Variants in KATNBL1 observed in about 807,000 individuals in gnomAD.
The protein encoded by KATNBL1 is KATNB1-like protein 1.
In KATNBL1, 28 loss-of-function variants were observed where a neutral mutation model predicts 44.7. The ratio of observed to expected loss-of-function variants is 0.63; its 90% confidence interval spans 0.46 to 0.86. The LOEUF (loss-of-function observed/expected upper bound fraction) is 0.86, where lower values mean the gene tolerates loss of function less well. Among genes scored for constraint, KATNBL1 ranks in the 40% least tolerant of loss-of-function variants. KATNBL1 has a pLI of 0.00. For missense variants in KATNBL1, 272 were observed against 350.7 expected (o/e 0.78, Z 1.79); for synonymous variants, 78 against 114.9 (o/e 0.68, Z 2.06).
intron 1 of KATNBL1, among the ~76,000 whole-genome samples, chr15:34,192,017 G>A (rs1889888348): frequency 6.6e-6 from 1 of 150,530 alleles, no homozygotes; most frequent in Non-Finnish European, 1.5e-5. Flanking sequence ...GATTTGCACA[G>A]AATAGGGAGT....
intron 1 of KATNBL1, among the ~76,000 whole-genome samples, chr15:34,196,572 A>G (rs1477907751): frequency 6.6e-6 from 1 of 151,948 alleles, no homozygotes; most frequent in East Asian, 1.9e-4. Flanking sequence ...TATTAAAAAT[A>G]CGAAAACCTG....
At chr15:34,176,441 G>A (rs528182954) in intron 1 of KATNBL1, among the ~76,000 whole-genome samples, 36 of 151,776 alleles carry the variant, frequency 2.4e-4, no homozygotes, top group Non-Finnish European at 5.0e-4. Flanking sequence ...AGTGAAAGAA[G>A]CCAAACATGA....
intron 1 of KATNBL1, among the ~76,000 whole-genome samples, chr15:34,190,177 C>T (rs1326161621): frequency 6.6e-6 from 1 of 152,174 alleles, no homozygotes; most frequent in African/African-American, 2.4e-5. Context: ...ATCTCCTGAC[C>T]TCGTGATCCC....
At chr15:34,167,867 C>A (rs1377661610) in intron 1 of KATNBL1, among the ~76,000 whole-genome samples, 1 of 152,172 alleles carries the variant, frequency 6.6e-6, no homozygotes, top group Non-Finnish European at 1.5e-5. Flanking sequence ...GAAATAAAAT[C>A]CTTTACAGAC....
intron 1 of KATNBL1, among the ~76,000 whole-genome samples, chr15:34,168,830 T>C (rs562179760): frequency 2.5e-4 from 38 of 152,314 alleles, no homozygotes; most frequent in African/African-American, 8.9e-4. Flanking sequence ...AACCTGCTCC[T>C]GAATGACTAC....
intron 1 of KATNBL1, among the ~76,000 whole-genome samples, chr15:34,181,701 T>C (rs1290417244): frequency 3.5e-5 from 1 of 28,342 alleles, no homozygotes; most frequent in African/African-American, 1.1e-4. Flanking sequence ...CATATATATA[T>C]CCATATATAT....
chr15:34,180,074 C>A lies in KATNBL1; in HGVS notation c.-14-16384G>T, dbSNP rs546986728. ...CAATTTGGACTTTGCTCCCACAAAC[C>A]CTTTTTAAAAATCTTTGATTTCTCC... is the stretch of plus-strand genomic sequence containing the variant. On this transcript the variant is annotated intron_variant, in intron 1 of 9. Coordinates refer to ENST00000256544, the MANE Select transcript of KATNBL1 (RefSeq NM_024713.3). 1.4e-4 allele frequency among the ~76,000 whole-genome samples: 22 copies of A among 152,218 alleles called. No homozygotes were observed. In the South Asian group the frequency reaches 4.1e-3, roughly 29 times the overall value.
rs1018371058 is a variant in KATNBL1 at position 34,156,445 on chromosome 15, G to A, written c.118-1761C>T. Among the ~76,000 whole-genome samples, 10 of 152,336 alleles carry A rather than the reference G, an allele frequency of 6.6e-5. No individual in the cohort carries two copies. The East Asian group carries it at 7.7e-4, about 12-fold the overall frequency. ...TGGCCCTCTGGCCTGCCATGCGCAC[G>A]AGCATAACAATTGCTTTTGTTTAAA... On this transcript the variant is annotated intron_variant, in intron 2 of 9. Coordinates refer to ENST00000256544, the MANE Select transcript of KATNBL1 (RefSeq NM_024713.3).
intron 9 of KATNBL1, among the ~76,000 whole-genome samples, chr15:34,144,331 A>G (rs1404154487): frequency 7.9e-5 from 12 of 151,628 alleles, no homozygotes; most frequent in Admixed American, 7.9e-4. Context: ...TTAGCATTGT[A>G]TTTTTTTCCC....
At chr15:34,175,475 G>A (rs1028418445) in intron 1 of KATNBL1, among the ~76,000 whole-genome samples, 14 of 152,178 alleles carry the variant, frequency 9.2e-5, no homozygotes, top group Admixed American at 5.9e-4. Context: ...AGATGACAAC[G>A]TACATAGTCT....
Position 34,148,717 on chromosome 15 carries a change from A to G in KATNBL1, c.472T>C (p.Leu158=). 6.2e-7 allele frequency: 1 copy of G among 1,612,628 alleles called. No individual in the cohort carries two copies. Among genetic ancestry groups the G allele is most frequent in the South Asian group, 1.1e-5 (1 of 91,040 alleles). ...TTCAATCTCATATTCCTGCTGAACA[A>G]AACTTGGGCCATTGTTTCATGGTCC... is the stretch of plus-strand genomic sequence containing the variant. ...SQDHETMAQV[L]FSRNMRLNVA... Residue 158 remains leucine (L), a synonymous_variant, in exon 5 of 10, where the codon TTG becomes CTG. Coordinates refer to ENST00000256544, the MANE Select transcript of KATNBL1 (RefSeq NM_024713.3).
intron 1 of KATNBL1, among the ~76,000 whole-genome samples, chr15:34,199,300 G>A (rs1376413249): frequency 6.6e-6 from 1 of 152,108 alleles, no homozygotes; most frequent in East Asian, 1.9e-4. Flanking sequence ...AGCCTGGTGT[G>A]GTGGCATGAG....
At chr15:34,185,546 T>C (rs925613505) in intron 1 of KATNBL1, among the ~76,000 whole-genome samples, 3 of 152,198 alleles carry the variant, frequency 2.0e-5, no homozygotes, top group African/African-American at 7.2e-5. Context: ...TGTATACCTA[T>C]AGATATATAA....
At chr15:34,198,783 C>T (rs981404960) in intron 1 of KATNBL1, among the ~76,000 whole-genome samples, 1 of 152,142 alleles carries the variant, frequency 6.6e-6, no homozygotes, top group African/African-American at 2.4e-5. Context: ...GGAAGAGGGA[C>T]TGGCAAGGGA....
At chr15:34,163,393 C>T (rs896397239) in intron 2 of KATNBL1, among the ~76,000 whole-genome samples, 167 bp downstream of exon 2, 1 of 151,160 alleles carries the variant, frequency 6.6e-6, no homozygotes, top group African/African-American at 2.4e-5. Flanking sequence ...TAAGACCTAA[C>T]AAAGAAAAAA....
chr15:34,146,913 T>C lies in KATNBL1; in HGVS notation c.699-63A>G. ...ATCTAAGAACCCTTCTTATAAAAGA[T>C]GATACTTTCCCTCCCAAAAAACACA... On this transcript the variant is annotated intron_variant, in intron 7 of 9. Transcript: ENST00000256544. 7 of 1,051,396 alleles carry C rather than the reference T, an allele frequency of 6.7e-6. No homozygotes were observed. The Admixed American group carries it at 1.3e-4, about 19-fold the overall frequency. The allele number at this position is 1,051,396 out of a possible 1,614,324, so 65.1% of individuals were successfully genotyped here. A position where few individuals can be genotyped will look rare whatever the true frequency, so the allele number is the denominator to read the frequency against.
At chr15:34,147,465 A>G in intron 5 of KATNBL1, 35 bp from the exon 6 acceptor site, 2 of 1,523,756 alleles carry the variant, frequency 1.3e-6, no homozygotes, top group South Asian at 1.2e-5. Context: ...TGCCTTAGAG[A>G]GCTGATTTCC....
Position 34,207,684 on chromosome 15 carries a change from T to C in KATNBL1, c.-15+2267A>G, listed in dbSNP as rs557144111. ...GGCACAATCTCGGCTCACTGTAGCC[T>C]TGACCTCTTGGGCTTAAGCGATCTT... On this transcript the variant is annotated intron_variant, in intron 1 of 9. Coordinates refer to ENST00000256544, the MANE Select transcript of KATNBL1 (RefSeq NM_024713.3). 1.4e-4 allele frequency among the ~76,000 whole-genome samples: 22 copies of C among 152,252 alleles called. No individual in the cohort carries two copies. In the East Asian group the frequency reaches 4.3e-3, roughly 29 times the overall value.
intron 1 of KATNBL1, among the ~76,000 whole-genome samples, chr15:34,200,421 T>TG (rs1259861122): frequency 2.5e-4 from 18 of 71,722 alleles, no homozygotes; most frequent in Non-Finnish European, 4.9e-4. Context: ...CCCAGCTAAT[T>TG]GTTTTTTTTT....
Sources: allele counts gnomAD v4.1 joint callset (sites outside exome capture counted in the v4.1 genomes callset), GRCh38; gene constraint gnomAD v4.1.1; transcripts MANE v1.5; gene names NCBI Gene and HGNC (gene_info 2026-07-23, HGNC 2026-07-21).